The following PHACTR1 variants were observed in gnomAD, a reference collection of about 807,000 sequenced individuals.
The protein encoded by PHACTR1 is RPEL repeat containing 1.
Under a neutral mutation model 69.2 loss-of-function variants are expected in PHACTR1, and 16 were observed. The observed-to-expected ratio is 0.23, with a 90% CI of 0.16 to 0.35. The LOEUF (loss-of-function observed/expected upper bound fraction) is 0.35. Among genes scored for constraint, PHACTR1 ranks in the 10% least tolerant of loss-of-function variants. PHACTR1 has a pLI of 1.00. For synonymous variants in PHACTR1, 312 were observed against 284.5 expected (o/e 1.10, Z -0.97); for missense variants, 510 against 734.7 (o/e 0.69, Z 3.54).
chr6:12,996,887 C>T (rs906509974), intron 4 of PHACTR1, among the ~76,000 whole-genome samples: 5 of 152,046 alleles, frequency 3.3e-5, no homozygotes, highest in Admixed American at 2.6e-4. Flanking sequence ...AATGTATGGC[C>T]GGGTGCGATG....
intron 4 of PHACTR1, among the ~76,000 whole-genome samples, chr6:12,871,684 G>T (rs1007426472): frequency 3.9e-5 from 6 of 152,146 alleles, no homozygotes; most frequent in Non-Finnish European, 7.3e-5. Context: ...TGATGTGAAG[G>T]TTGATTAATG....
intron 4 of PHACTR1, among the ~76,000 whole-genome samples, chr6:12,768,863 A>ACACAG (rs1561864885): frequency 2.9e-5 from 4 of 136,466 alleles, no homozygotes; most frequent in African/African-American, 1.2e-4. Context: ...CACACACACA[A>ACACAG]TGGAATACTA....
chr6:12,781,318 A>C (rs1272439863), intron 4 of PHACTR1, among the ~76,000 whole-genome samples: 1 of 152,080 alleles, frequency 6.6e-6, no homozygotes, highest in Non-Finnish European at 1.5e-5. Context: ...CAACTTGTGC[A>C]CCTGCTGTCA....
Position 13,078,373 on chromosome 6 carries a change from T to C in PHACTR1, c.415+24844T>C, listed in dbSNP as rs186402800. Among the ~76,000 whole-genome samples the C allele has an allele frequency of 3.9e-5, 6 of 152,332 alleles. No homozygotes were observed. The East Asian group carries it at 1.2e-3, about 29-fold the overall frequency. On this transcript the variant is annotated intron_variant, in intron 5 of 14. Coordinates refer to ENST00000332995, the MANE Select transcript of PHACTR1 (RefSeq NM_030948.6). ...CCAGTCATATTGGATTAGGGACTTATACTATTCCAACATGACCTTATCTTA... is the reference window on the plus strand; with the variant it reads ...CCAGTCATATTGGATTAGGGACTTACACTATTCCAACATGACCTTATCTTA...
At chr6:13,213,908 T>C (rs1767265323) in intron 8 of PHACTR1, 1 of 152,242 alleles carries the variant, frequency 6.6e-6, no homozygotes, top group Non-Finnish European at 1.5e-5. Flanking sequence ...CAATCTGCCA[T>C]AGTACCTGTC....
intron 4 of PHACTR1, among the ~76,000 whole-genome samples, chr6:12,895,645 A>G (rs1292906477): frequency 1.3e-5 from 2 of 152,252 alleles, no homozygotes; most frequent in African/African-American, 4.8e-5. Flanking sequence ...ACAAAATACA[A>G]GCTCTGCTAC....
At chr6:12,946,372 A>T (rs1790672892) in intron 4 of PHACTR1, among the ~76,000 whole-genome samples, 1 of 152,194 alleles carries the variant, frequency 6.6e-6, no homozygotes, top group African/African-American at 2.4e-5. Context: ...TCATGTACTA[A>T]CCTGGTTTTA....
intron 4 of PHACTR1, among the ~76,000 whole-genome samples, chr6:12,872,169 A>C (rs1005854771): frequency 6.6e-6 from 1 of 152,204 alleles, no homozygotes; most frequent in African/African-American, 2.4e-5. Context: ...AGAAATACGT[A>C]AGTGTATTGT....
intron 11 of PHACTR1, chr6:13,274,269 T>A (rs202048): frequency 0.88 from 133,383 of 152,250 alleles, 58,680 homozygotes; most frequent in African/African-American, 0.92. Flanking sequence ...AACCCTACGC[T>A]TTGCCTAGGT....
intron 7 of PHACTR1, 141 bp from the exon 8 acceptor site, chr6:13,205,674 A>G: frequency 1.3e-6 from 1 of 741,054 alleles, no homozygotes; most frequent in Non-Finnish European, 2.2e-6. Flanking sequence ...AGCACTCATC[A>G]CGCTGGTGCC....
intron 5 of PHACTR1, among the ~76,000 whole-genome samples, chr6:13,091,299 G>A (rs184091448): frequency 1.4e-4 from 21 of 152,190 alleles, no homozygotes; most frequent in Non-Finnish European, 3.1e-4. Flanking sequence ...GTGCCTGGCC[G>A]GCACTGCATT....
intron 4 of PHACTR1, among the ~76,000 whole-genome samples, chr6:12,754,984 A>T (rs370032385): frequency 6.6e-6 from 1 of 152,116 alleles, no homozygotes; most frequent in African/African-American, 2.4e-5. Context: ...AACCAATCTC[A>T]TGGTTACCAA....
chr6:13,022,966 G>T (rs375275759), intron 4 of PHACTR1, among the ~76,000 whole-genome samples: 2 of 152,038 alleles, frequency 1.3e-5, no homozygotes, highest in East Asian at 1.9e-4. Flanking sequence ...GCAGTGAGCT[G>T]AGATCACACC....
In PHACTR1 at chr6:12,749,785, G is replaced by C. The variant is rs1422120610; in HGVS notation, c.245G>C (p.Gly82Ala). The C allele has an allele frequency of 6.3e-7, 1 of 1,598,428 alleles. No individual in the cohort carries two copies. Among genetic ancestry groups the C allele is most frequent in the Non-Finnish European group, 8.5e-7 (1 of 1,172,614 alleles). Residue 82 changes from glycine to alanine, a missense_variant, in exon 4 of 15, where the codon GGG (glycine) becomes GCG (alanine). By Grantham distance (60) the Gly-to-Ala change is moderately conservative (BLOSUM62 0). Around this residue, in one of 2 missense-constraint regions of PHACTR1, gnomAD observed 419 missense variants for 530.9 expected, o/e 0.79. Transcript: ENST00000332995. Reference protein sequence around the residue: ...LAEARISFNLGAAEEVERLAA... With the variant: ...LAEARISFNLAAAEEVERLAA... ...GAGGCCAGGATCTCCTTTAACCTGG[G>C]GGCAGGTAAGAACGCCCCTGGCGCC...
chr6:12,929,173 G>T (rs1157961141), intron 4 of PHACTR1, among the ~76,000 whole-genome samples: 2 of 152,162 alleles, frequency 1.3e-5, no homozygotes, highest in African/African-American at 4.8e-5. Flanking sequence ...GGGACCCCTT[G>T]CCTAAAGCTG....
In PHACTR1 at chr6:13,195,779, A is replaced by AAAAAAG. The variant is rs201554952; in HGVS notation, c.665-10035_665-10034insAAAAGA. On this transcript the variant is annotated intron_variant, in intron 7 of 14. Coordinates refer to ENST00000332995, the MANE Select transcript of PHACTR1 (RefSeq NM_030948.6). ...TCTCAAAAAAAAAAAAAAAAAAAAAAAGTTCATTTGTGGTGGTAAGAAGAG... is the reference window on the plus strand; with the variant it reads ...TCTCAAAAAAAAAAAAAAAAAAAAAAAAAAAGAGTTCATTTGTGGTGGTAAGAAGAG... 7.6e-4 allele frequency among the ~76,000 whole-genome samples: 90 copies of AAAAAAG among 118,574 alleles called. 1 individual carries two copies. The highest frequency in any genetic ancestry group is 2.1e-3 in the African/African-American group (64 of 30,936). The allele number at this position is 118,574 out of a possible 152,430, so 77.8% of individuals were successfully genotyped here.
intron 4 of PHACTR1, among the ~76,000 whole-genome samples, chr6:12,767,153 C>T (rs1768733329): frequency 6.6e-6 from 1 of 152,168 alleles, no homozygotes; most frequent in South Asian, 2.1e-4. Flanking sequence ...TCCACATTTC[C>T]CAGCTAATGC....
At chr6:12,807,515 G>A (rs550732315) in intron 4 of PHACTR1, among the ~76,000 whole-genome samples, 44 of 152,118 alleles carry the variant, frequency 2.9e-4, no homozygotes, top group Non-Finnish European at 5.6e-4. Context: ...AGAAAGATAG[G>A]GCAGAGAGTA....
chr6:13,071,238 C>A lies in PHACTR1; in HGVS notation c.415+17709C>A, dbSNP rs1317068178. Among the ~76,000 whole-genome samples the A allele has an allele frequency of 2.0e-5, 3 of 152,054 alleles. No individual in the cohort carries two copies. In the East Asian group the frequency reaches 5.8e-4, roughly 29 times the overall value. Reference sequence around the variant, plus strand: ...GGTCAGGAGTTCGAGACCAGCCTGACCAATATGGTAAAACCCCATCTCTAC... The same window carrying A: ...GGTCAGGAGTTCGAGACCAGCCTGAACAATATGGTAAAACCCCATCTCTAC... On this transcript the variant is annotated intron_variant, in intron 5 of 14. Coordinates refer to ENST00000332995, the MANE Select transcript of PHACTR1 (RefSeq NM_030948.6).
Sources: allele counts gnomAD v4.1 joint callset (sites outside exome capture counted in the v4.1 genomes callset), GRCh38; gene constraint gnomAD v4.1.1; regional missense constraint gnomAD v4.1.1; transcripts MANE v1.5; gene names NCBI Gene and HGNC (gene_info 2026-07-23, HGNC 2026-07-21).